EPB41L4A: variants seen among roughly 807,000 people sequenced by gnomAD.
EPB41L4A encodes band 4.1-like protein 4A.
In EPB41L4A, 100 loss-of-function variants were observed where a neutral mutation model predicts 108.6. That is an observed-to-expected ratio of 0.92 (90% CI 0.78 to 1.09). EPB41L4A has a LOEUF of 1.09. EPB41L4A is among the 50% of genes least tolerant of loss of function. EPB41L4A has a pLI of 0.00. For missense variants in EPB41L4A, 1,030 were observed against 842.7 expected, an observed-to-expected ratio of 1.22 and a Z score of -2.75; for synonymous variants, 319 against 289.0, an observed-to-expected ratio of 1.10 and a Z score of -1.05.
At chr5:112,224,370 T>C (rs913317246) in intron 12 of EPB41L4A, among the ~76,000 whole-genome samples, 1 of 152,124 alleles carries the variant, frequency 6.6e-6, no homozygotes, top group East Asian at 1.9e-4. Context: ...TGCAAGACTT[T>C]TGAAATGGTA....
downstream of EPB41L4A, chr5:112,158,405 A>G (rs893459242): frequency 4.6e-6 from 2 of 436,300 alleles, no homozygotes; most frequent in African/African-American, 2.0e-5. Flanking sequence ...TATTACCTTT[A>G]AATGAGGAAA....
At position 112,170,955 on chromosome 5, in the gene EPB41L4A, T is replaced by A. The variant is rs1760545646; in HGVS notation, c.1660A>T (p.Lys554Ter). Residue 554 changes from lysine (K) to a stop codon, truncating the protein, a stop_gained, in exon 19 of 23, where the codon AAG becomes TAG. Coordinates refer to ENST00000261486, the MANE Select transcript of EPB41L4A (RefSeq NM_022140.5). LOFTEE classifies it high-confidence loss of function. Reference sequence around the variant, plus strand: ...AAAACTATTACTCACTGAATGTGCTTCCATAACTCTTCTTTTGCTTGGATA... The same window carrying A: ...AAAACTATTACTCACTGAATGTGCTACCATAACTCTTCTTTTGCTTGGATA... ...PDIQAKEELW[K>*]HIQKELVDPS... 1 of 1,613,572 alleles carries A rather than the reference T, an allele frequency of 6.2e-7. No individual in the cohort carries two copies. Among genetic ancestry groups the A allele is most frequent in the Non-Finnish European group, 8.5e-7 (1 of 1,179,478 alleles).
chr5:112,293,927 A>G (rs1290012031), intron 2 of EPB41L4A, among the ~76,000 whole-genome samples: 6 of 152,180 alleles, frequency 3.9e-5, no homozygotes, highest in African/African-American at 1.2e-4. Context: ...AAATAGAAAA[A>G]TCTACTTTTA....
intron 12 of EPB41L4A, among the ~76,000 whole-genome samples, chr5:112,212,930 C>T (rs1747317351): frequency 6.6e-6 from 1 of 152,186 alleles, no homozygotes; most frequent in South Asian, 2.1e-4. Flanking sequence ...AGTGCCTAAT[C>T]ACCTTCACCT....
chr5:112,345,938 A>C (rs1017820612), intron 1 of EPB41L4A, among the ~76,000 whole-genome samples: 13 of 151,976 alleles, frequency 8.6e-5, no homozygotes, highest in Non-Finnish European at 1.8e-4. Flanking sequence ...TAGTTTTGAT[A>C]TTTTTTAATT....
intron 9 of EPB41L4A, among the ~76,000 whole-genome samples, chr5:112,241,755 G>A (rs576743450): frequency 1.3e-5 from 2 of 152,224 alleles, no homozygotes; most frequent in South Asian, 4.1e-4. Context: ...ATACCCTGTG[G>A]ATGCTGAGGA....
At chr5:112,403,320 G>A (rs553876056) in intron 1 of EPB41L4A, among the ~76,000 whole-genome samples, 46 of 144,936 alleles carry the variant, frequency 3.2e-4, no homozygotes, top group African/African-American at 1.1e-3. Flanking sequence ...ATTTATCAAG[G>A]TCCTCATAAT....
At chr5:112,189,869 G>T (rs886209822) in intron 17 of EPB41L4A, among the ~76,000 whole-genome samples, 2 of 152,254 alleles carry the variant, frequency 1.3e-5, no homozygotes, top group South Asian at 4.1e-4. Context: ...CCTTTTCCTT[G>T]AATGTCAAGG....
At chr5:112,411,475 T>C (rs1377811201) in intron 1 of EPB41L4A, among the ~76,000 whole-genome samples, 2 of 152,168 alleles carry the variant, frequency 1.3e-5, no homozygotes, top group African/African-American at 4.8e-5. Context: ...ATAAATGTAT[T>C]TGCAAATAAT....
intron 12 of EPB41L4A, among the ~76,000 whole-genome samples, chr5:112,151,159 T>A (rs957881682): frequency 3.9e-5 from 6 of 152,126 alleles, no homozygotes; most frequent in Admixed American, 3.3e-4. Flanking sequence ...CTTGAATAGA[T>A]GGTCTGAGAT....
intron 12 of EPB41L4A, among the ~76,000 whole-genome samples, chr5:112,153,637 C>T (rs1442792376): frequency 6.7e-6 from 1 of 148,958 alleles, no homozygotes; most frequent in Non-Finnish European, 1.5e-5. Context: ...TTAACAAATC[C>T]ATATCATAAT....
At chr5:112,283,985 CTG>C (rs1299459862) in intron 2 of EPB41L4A, among the ~76,000 whole-genome samples, 1 of 152,200 alleles carries the variant, frequency 6.6e-6, no homozygotes, top group African/African-American at 2.4e-5. Flanking sequence ...AGCCTTAAAT[CTG>C]TATAAAGTAC....
chr5:112,359,712 T>C lies in EPB41L4A; in HGVS notation c.100-52222A>G, dbSNP rs529669349. 2.0e-5 allele frequency among the ~76,000 whole-genome samples: 3 copies of C among 152,196 alleles called. No homozygotes were observed. The South Asian group carries it at 6.2e-4, about 32-fold the overall frequency. ...CCTGCCACCACGCCCAGCTAATTTT[T>C]TGTATTTTTAGTAGAGACGGGGTTT... is the stretch of plus-strand genomic sequence containing the variant. On this transcript the variant is annotated intron_variant, in intron 1 of 22. Coordinates refer to ENST00000261486, the MANE Select transcript of EPB41L4A (RefSeq NM_022140.5).
chr5:112,277,981 T>C (rs1752717495), intron 3 of EPB41L4A, among the ~76,000 whole-genome samples: 1 of 152,232 alleles, frequency 6.6e-6, no homozygotes, highest in Admixed American at 6.5e-5. Context: ...AAACTGGGAA[T>C]CCTCTATATT....
chr5:112,216,245 G>A (rs1265517231), intron 12 of EPB41L4A, among the ~76,000 whole-genome samples: 2 of 152,132 alleles, frequency 1.3e-5, no homozygotes, highest in African/African-American at 4.8e-5. Context: ...ATTTGGTGAT[G>A]AATATACACG....
At chr5:112,146,660 A>G (rs1759269637) in intron 12 of EPB41L4A, among the ~76,000 whole-genome samples, 1 of 152,218 alleles carries the variant, frequency 6.6e-6, no homozygotes, top group Non-Finnish European at 1.5e-5. Flanking sequence ...CAACCAAATC[A>G]TACCTGACTT....
At chr5:112,362,430 G>A (rs769328245) in intron 1 of EPB41L4A, among the ~76,000 whole-genome samples, 8 of 151,956 alleles carry the variant, frequency 5.3e-5, no homozygotes, top group Admixed American at 2.6e-4. Flanking sequence ...ACAGGTATGC[G>A]CTGCTGCGCC....
intron 1 of EPB41L4A, among the ~76,000 whole-genome samples, chr5:112,333,896 C>G (rs987706970): frequency 6.6e-6 from 1 of 152,156 alleles, no homozygotes; most frequent in African/African-American, 2.4e-5. Context: ...CTTAGATCAT[C>G]TAAAGGACTG....
intron 18 of EPB41L4A, among the ~76,000 whole-genome samples, chr5:112,181,437 C>T (rs972171592): frequency 1.3e-5 from 2 of 151,318 alleles, no homozygotes; most frequent in Admixed American, 6.6e-5. Context: ...GGCGACAGAG[C>T]GAGACTCTGT....
Sources: allele counts gnomAD v4.1 joint callset (sites outside exome capture counted in the v4.1 genomes callset), GRCh38; gene constraint gnomAD v4.1.1; transcripts MANE v1.5; gene names NCBI Gene and HGNC (gene_info 2026-07-23, HGNC 2026-07-21).